Variants in KLHL14 observed in about 807,000 individuals in gnomAD.
KLHL14 encodes the protein kelch like family member 14, also known as kelch-like protein 14.
KLHL14 carries 22 observed loss-of-function variants against 64.3 expected under a neutral mutation model. That is an observed-to-expected ratio of 0.34 (90% CI 0.24 to 0.49). The LOEUF is 0.49. Ranked by LOEUF, KLHL14 falls within the 20% of genes least tolerant of loss-of-function variation. The pLI is 0.99. For synonymous variants in KLHL14, 322 were observed against 333.4 expected (o/e 0.97, Z 0.37); for missense variants, 661 against 789.0 (o/e 0.84, Z 1.94).
At chr18:32,676,486 A>T (rs144641961) in intron 8 of KLHL14, among the ~76,000 whole-genome samples, 1 of 152,332 alleles carries the variant, frequency 6.6e-6, no homozygotes, top group African/African-American at 2.4e-5. Context: ...ATAAAAATGG[A>T]TATAAAGGAA....
chr18:32,713,013 A>C (rs148446507), intron 3 of KLHL14, among the ~76,000 whole-genome samples: 325 of 151,816 alleles, frequency 2.1e-3, no homozygotes, highest in Non-Finnish European at 3.3e-3. Context: ...ATGCTCCAAG[A>C]GCTTGCTTTT....
intron 3 of KLHL14, among the ~76,000 whole-genome samples, chr18:32,727,205 T>A (rs1205924071): frequency 6.6e-6 from 1 of 152,212 alleles, no homozygotes; most frequent in Non-Finnish European, 1.5e-5. Flanking sequence ...TGGTCTTTTT[T>A]AAACAAAGTA....
In KLHL14 at chr18:32,683,229, ACTC is replaced by A. The variant is rs1359839082; in HGVS notation, c.1239-2633_1239-2631del. ...GTTCTTCATGCGACACTTCGTGTGT[ACTC>A]CTAGCTTTATCCACACAGTGTCACT... On this transcript the variant is annotated intron_variant, in intron 5 of 8. Coordinates refer to ENST00000359358, the MANE Select transcript of KLHL14 (RefSeq NM_020805.3). The surrounding 1 kb of genome is among the most constrained non-coding windows in gnomAD (Gnocchi z 4.2). 6.6e-6 allele frequency among the ~76,000 whole-genome samples: 1 copy of A among 152,072 alleles called. No homozygotes were observed. Among genetic ancestry groups the A allele is most frequent in the Admixed American group, 6.5e-5 (1 of 15,276 alleles).
At chr18:32,681,263 C>T (rs2049837283) in intron 5 of KLHL14, among the ~76,000 whole-genome samples, 1 of 152,022 alleles carries the variant, frequency 6.6e-6, no homozygotes, top group Non-Finnish European at 1.5e-5. Context: ...TATATTATCC[C>T]ATTATGCCAT....
rs541230719 is a variant in KLHL14, at chr18:32,681,626, A to C, written c.1239-1027T>G. On this transcript the variant is annotated intron_variant, in intron 5 of 8. Coordinates refer to ENST00000359358, the MANE Select transcript of KLHL14 (RefSeq NM_020805.3). ...AGGAAAACATGTGGTCCAATATTGAATAAGTGTAATTGTTAAGTGCCATGC... is the reference window on the plus strand; with the variant it reads ...AGGAAAACATGTGGTCCAATATTGACTAAGTGTAATTGTTAAGTGCCATGC... Among the ~76,000 whole-genome samples the C allele has an allele frequency of 9.9e-5, 15 of 152,282 alleles. No individual in the cohort carries two copies. The South Asian group carries it at 1.0e-3, about 11-fold the overall frequency.
chr18:32,730,699 A>G (rs943804007), intron 3 of KLHL14, among the ~76,000 whole-genome samples: 2 of 152,214 alleles, frequency 1.3e-5, no homozygotes, highest in Non-Finnish European at 2.9e-5. Context: ...TGAAAGTGAA[A>G]GTGATACATC....
chr18:32,739,699 T>C (rs1445049209), intron 3 of KLHL14, among the ~76,000 whole-genome samples: 1 of 142,700 alleles, frequency 7.0e-6, no homozygotes, highest in African/African-American at 2.5e-5. Context: ...TCAAATCTAA[T>C]AAATAGAGTC....
Position 32,772,758 on chromosome 18 carries a change from G to A in KLHL14, c.-135C>T, listed in dbSNP as rs1489228415. 2 of 152,808 alleles carry A rather than the reference G, an allele frequency of 1.3e-5. No homozygotes were observed. The highest frequency in any genetic ancestry group is 2.1e-4 in the South Asian group (1 of 4,860). The allele number at this position is 152,808 out of a possible 1,614,324, so 9.5% of individuals were successfully genotyped here. A position where few individuals can be genotyped will look rare whatever the true frequency, so the allele number is the denominator to read the frequency against. ...TTTTAAAGGTTTGCTGTCTCCTTGGGAGGGGGAAAACACCTTCTGGTTCCC... is the reference window on the plus strand; with the variant it reads ...TTTTAAAGGTTTGCTGTCTCCTTGGAAGGGGGAAAACACCTTCTGGTTCCC... On this transcript the variant is annotated 5_prime_UTR_variant, in exon 1 of 9. Coordinates refer to ENST00000359358, the MANE Select transcript of KLHL14 (RefSeq NM_020805.3).
chr18:32,761,766 G>A (rs959075233), intron 2 of KLHL14, among the ~76,000 whole-genome samples: 17 of 152,238 alleles, frequency 1.1e-4, no homozygotes, highest in African/African-American at 4.1e-4. Flanking sequence ...TCAGAACTTA[G>A]CTCAGAGCTT....
chr18:32,765,819 A>C (rs12373178), intron 2 of KLHL14, among the ~76,000 whole-genome samples: 49,673 of 151,640 alleles, frequency 0.33, 9,789 homozygotes, highest in Non-Finnish European at 0.45. Flanking sequence ...CTTGATGTTT[A>C]AATAGATTTT....
rs1339138359 is a variant in KLHL14, at chr18:32,683,670, T to C, written c.1239-3071A>G. Among the ~76,000 whole-genome samples the C allele has an allele frequency of 1.3e-5, 2 of 152,230 alleles. No individual in the cohort carries two copies. Among genetic ancestry groups the C allele is most frequent in the Non-Finnish European group, 2.9e-5 (2 of 68,034 alleles). On this transcript the variant is annotated intron_variant, in intron 5 of 8. Coordinates refer to ENST00000359358, the MANE Select transcript of KLHL14 (RefSeq NM_020805.3). This position sits in a 1 kb window ranked among gnomAD's most constrained non-coding sequence, Gnocchi z 4.2. ...CCACTGCCAGAAGCAATATTCAGTA[T>C]TTGTGAGATAAGTTTTAAAAAGATT...
chr18:32,761,269 A>T (rs1192720843), intron 2 of KLHL14, among the ~76,000 whole-genome samples: 1 of 152,170 alleles, frequency 6.6e-6, no homozygotes, highest in Non-Finnish European at 1.5e-5. Context: ...TTTTCAGTTC[A>T]ACTGAAAAAC....
intron 3 of KLHL14, chr18:32,737,532 T>A (rs1463109257): frequency 1.3e-5 from 2 of 152,184 alleles, no homozygotes; most frequent in African/African-American, 4.8e-5. Flanking sequence ...GTTCAATGTC[T>A]TATACAAGCT....
chr18:32,680,607 GA>G lies in KLHL14; in HGVS notation c.1239-9del. The G allele has an allele frequency of 6.3e-7, 1 of 1,597,426 alleles. No individual in the cohort carries two copies. ...GCATAGAAACTGGCTCTTCTACAAT[GA>G]AAAGAACCCACAGTAAATCACAAGA... On this transcript the variant is annotated splice_polypyrimidine_tract_variant and intron_variant, in intron 5 of 8. Coordinates refer to ENST00000359358, the MANE Select transcript of KLHL14 (RefSeq NM_020805.3). This position sits in a 1 kb window ranked among gnomAD's most constrained non-coding sequence, Gnocchi z 4.8.
chr18:32,680,716 G>A lies in KLHL14; in HGVS notation c.1239-117C>T, dbSNP rs773643943. On this transcript the variant is annotated intron_variant, in intron 5 of 8. Coordinates refer to ENST00000359358, the MANE Select transcript of KLHL14 (RefSeq NM_020805.3). The surrounding 1 kb of genome is among the most constrained non-coding windows in gnomAD (Gnocchi z 4.8). ...AAGGGGTGCATTCTGCTTCAGAAAG[G>A]GTTGCAAATCTTTAAAAATTACACG... 3 of 994,142 alleles carry A rather than the reference G, an allele frequency of 3.0e-6. No individual in the cohort carries two copies. Among genetic ancestry groups the A allele is most frequent in the Non-Finnish European group, 2.9e-6 (2 of 688,930 alleles). 61.6% of individuals were successfully genotyped at this position (994,142 alleles called of 1,614,324 possible). A position where few individuals can be genotyped will look rare whatever the true frequency, so the allele number is the denominator to read the frequency against.
intron 3 of KLHL14, among the ~76,000 whole-genome samples, chr18:32,727,223 CTT>C (rs1390314189): frequency 6.6e-6 from 1 of 152,290 alleles, no homozygotes; most frequent in African/African-American, 2.4e-5. Context: ...GTATGGGAAA[CTT>C]AACAATTTTT....
At chr18:32,741,706 TAC>T in intron 3 of KLHL14, among the ~76,000 whole-genome samples, 1 of 152,100 alleles carries the variant, frequency 6.6e-6, no homozygotes. Flanking sequence ...CGTAAACCAG[TAC>T]AGTGATTTTA....
Position 32,680,383 on chromosome 18 carries a change from T to C in KLHL14, c.1429+26A>G, listed in dbSNP as rs200621286. The C allele has an allele frequency of 6.5e-4, 1,053 of 1,613,652 alleles. 2 individuals carry two copies. Among genetic ancestry groups the C allele is most frequent in the Non-Finnish European group, 8.2e-4 (971 of 1,179,658 alleles). On this transcript the variant is annotated intron_variant, in intron 6 of 8. Transcript: ENST00000359358. This position sits in a 1 kb window ranked among gnomAD's most constrained non-coding sequence, Gnocchi z 4.8. ...GAGAGTGCTTTGGAACTGAACTTTGTAACAGAAAGTGGAGGAATTACTTGC... is the reference window on the plus strand; with the variant it reads ...GAGAGTGCTTTGGAACTGAACTTTGCAACAGAAAGTGGAGGAATTACTTGC...
chr18:32,693,353 T>G (rs1327385318), intron 4 of KLHL14, among the ~76,000 whole-genome samples: 1 of 136,694 alleles, frequency 7.3e-6, no homozygotes, highest in Non-Finnish European at 1.5e-5. Context: ...ATGTGGAAGC[T>G]TCCAAAATTC....
Sources: allele counts gnomAD v4.1 joint callset (sites outside exome capture counted in the v4.1 genomes callset), GRCh38; gene constraint gnomAD v4.1.1; non-coding constraint Gnocchi (gnomAD v3.1); transcripts MANE v1.5; gene names NCBI Gene and HGNC (gene_info 2026-07-23, HGNC 2026-07-21).